Variants in ATRNL1 observed in about 807,000 individuals in gnomAD.
ATRNL1 encodes attractin like 1.
ATRNL1 carries 95 observed loss-of-function variants against 182.7 expected under a neutral mutation model. That is an observed-to-expected ratio of 0.52 (90% confidence interval 0.44 to 0.62). The LOEUF is 0.62. ATRNL1 is among the 20% of genes least tolerant of loss of function. ATRNL1 has a pLI of 0.00. For synonymous variants in ATRNL1, 576 were observed against 568.3 expected (o/e 1.01, Z -0.19); for missense variants, 1,471 against 1,679.5 (o/e 0.88, Z 2.17).
chr10:115,598,350 A>ATTTATTTATTTATTTAT (rs60852354), intron 26 of ATRNL1, among the ~76,000 whole-genome samples: 9,035 of 145,796 alleles, frequency 0.062, 364 homozygotes, highest in East Asian at 0.092. Flanking sequence ...ATTTAAAAAA[A>ATTTATTTATTTATTTAT]TTATTTATTT....
At chr10:115,369,561 G>A (rs557082295) in intron 19 of ATRNL1, among the ~76,000 whole-genome samples, 1 of 152,218 alleles carries the variant, frequency 6.6e-6, no homozygotes, top group African/African-American at 2.4e-5. Context: ...TTTGAAAATT[G>A]ATTTCATTTT....
At chr10:115,284,075 AT>A (rs1324357911) in intron 14 of ATRNL1, among the ~76,000 whole-genome samples, 1 of 151,948 alleles carries the variant, frequency 6.6e-6, no homozygotes, top group Admixed American at 6.6e-5. Flanking sequence ...GGTGTATTGC[AT>A]TTTTTTTACA....
chr10:115,196,979 T>G (rs1230087283), intron 8 of ATRNL1, among the ~76,000 whole-genome samples: 1 of 152,160 alleles, frequency 6.6e-6, no homozygotes, highest in Non-Finnish European at 1.5e-5. Flanking sequence ...TTTTCCCTTA[T>G]TTTAGCAGGG....
intron 28 of ATRNL1, among the ~76,000 whole-genome samples, chr10:115,892,286 G>A (rs1448950803): frequency 1.3e-5 from 2 of 152,152 alleles, no homozygotes; most frequent in East Asian, 1.9e-4. Flanking sequence ...CCTTTGGAAG[G>A]AGTATGGTAA....
In ATRNL1 at chr10:115,292,476, G is replaced by GT. The variant is rs200115807; in HGVS notation, c.2415+6087dup. Among the ~76,000 whole-genome samples the GT allele has an allele frequency of 3.0e-3, 447 of 148,968 alleles. 3 individuals are homozygous for GT. The highest frequency in any genetic ancestry group is 0.01 in the African/African-American group (407 of 40,650). On this transcript the variant is annotated intron_variant, in intron 15 of 28. Coordinates refer to ENST00000355044, the MANE Select transcript of ATRNL1 (RefSeq NM_207303.4). ...GTGTTTATTTGAAATCATTCTGTTT[G>GT]TTTTTTTTGATGTAGATGTTTATTA...
At chr10:115,819,122 G>A (rs190464460) in intron 27 of ATRNL1, among the ~76,000 whole-genome samples, 2 of 152,114 alleles carry the variant, frequency 1.3e-5, no homozygotes, top group Non-Finnish European at 2.9e-5. Context: ...GTTCTCTACA[G>A]ATAATTTCAG....
At chr10:115,225,775 A>T (rs1849670284) in intron 9 of ATRNL1, among the ~76,000 whole-genome samples, 1 of 151,362 alleles carries the variant, frequency 6.6e-6, no homozygotes, top group Admixed American at 6.6e-5. Context: ...ACTCAATATT[A>T]TGCAGATGTC....
intron 19 of ATRNL1, among the ~76,000 whole-genome samples, chr10:115,340,665 TC>T (rs1194243107): frequency 6.6e-6 from 1 of 151,850 alleles, no homozygotes; most frequent in Admixed American, 6.6e-5. Context: ...CCCAGGCTTT[TC>T]TTTATTGGGA....
intron 19 of ATRNL1, among the ~76,000 whole-genome samples, chr10:115,352,961 T>C (rs1554941846): frequency 1.3e-5 from 2 of 152,190 alleles, no homozygotes; most frequent in African/African-American, 4.8e-5. Flanking sequence ...TAATACTTTG[T>C]TGAGACTATC....
chr10:115,350,686 C>T (rs116487602), intron 19 of ATRNL1, among the ~76,000 whole-genome samples: 1,966 of 152,124 alleles, frequency 0.013, 38 homozygotes, highest in African/African-American at 0.044. Context: ...TACCATAATT[C>T]GAAGTCAGGT....
intron 26 of ATRNL1, among the ~76,000 whole-genome samples, chr10:115,556,520 G>T (rs1339915983): frequency 2.6e-5 from 4 of 152,116 alleles, no homozygotes; most frequent in Non-Finnish European, 4.4e-5. Context: ...CATCTGGCCA[G>T]CAGTGATTAT....
intron 10 of ATRNL1, among the ~76,000 whole-genome samples, chr10:115,248,012 G>A (rs1387841584): frequency 1.3e-5 from 2 of 152,136 alleles, no homozygotes; most frequent in East Asian, 1.9e-4. Context: ...GGATACTAGA[G>A]TCTGAGGAGG....
intron 25 of ATRNL1, among the ~76,000 whole-genome samples, chr10:115,544,698 G>A (rs1057080797): frequency 3.3e-5 from 5 of 152,264 alleles, no homozygotes; most frequent in African/African-American, 1.2e-4. Flanking sequence ...TGAGATTTGA[G>A]TTGGGACAAA....
rs782610411 is a variant in ATRNL1, at chr10:115,286,205, T to C, written c.2234-11T>C. 6 of 1,443,784 alleles carry C rather than the reference T, an allele frequency of 4.2e-6. No homozygotes were observed. In the South Asian group the frequency reaches 6.3e-5, roughly 15 times the overall value. 89.4% of individuals were successfully genotyped at this position (1,443,784 alleles called of 1,614,324 possible). On this transcript the variant is annotated splice_polypyrimidine_tract_variant and intron_variant, in intron 14 of 28. Transcript: ENST00000355044. Reference sequence around the variant, plus strand: ...TAATCTAACAATAAGACACATTTTTTTTCTTACTAGCTCATCTTTGTGGAG... The same window carrying C: ...TAATCTAACAATAAGACACATTTTTCTTCTTACTAGCTCATCTTTGTGGAG...
intron 20 of ATRNL1, among the ~76,000 whole-genome samples, chr10:115,408,015 GA>G (rs1844929229): frequency 4.8e-5 from 1 of 21,020 alleles, no homozygotes; most frequent in African/African-American, 1.4e-4. Context: ...TTTTTTTTTT[GA>G]GACGGAGTCT....
intron 28 of ATRNL1, among the ~76,000 whole-genome samples, chr10:115,891,063 C>T (rs1952068230): frequency 6.6e-6 from 1 of 152,032 alleles, no homozygotes; most frequent in Admixed American, 6.6e-5. Context: ...ACAGCATTAA[C>T]AGACATTTTA....
At chr10:115,936,363 A>G (rs1953558755) in intron 28 of ATRNL1, among the ~76,000 whole-genome samples, 2 of 152,234 alleles carry the variant, frequency 1.3e-5, no homozygotes, top group Non-Finnish European at 2.9e-5. Context: ...AGAATCTTTC[A>G]TATATCATCA....
At chr10:115,386,823 C>T (rs1345599988) in intron 19 of ATRNL1, among the ~76,000 whole-genome samples, 1 of 104,384 alleles carries the variant, frequency 9.6e-6, no homozygotes, top group Non-Finnish European at 1.8e-5. Context: ...CCTCCCCCCA[C>T]CCCACAACAG....
chr10:115,858,795 T>A (rs183368427), intron 28 of ATRNL1, among the ~76,000 whole-genome samples: 222 of 152,220 alleles, frequency 1.5e-3, no homozygotes, highest in Middle Eastern at 6.8e-3. Flanking sequence ...GTAAAAAAAA[T>A]TACTTTTAAT....
Sources: gnomAD v4.1 joint callset for allele counts (sites outside exome capture counted in the v4.1 genomes callset) on GRCh38, gnomAD v4.1.1 for gene constraint, MANE v1.5 for transcripts, NCBI Gene and HGNC (gene_info 2026-07-23, HGNC 2026-07-21) for gene names.